The following ATM variants were observed in gnomAD, a reference collection of about 807,000 sequenced individuals.
ATM encodes ATM serine/threonine kinase.
In ATM, 308 loss-of-function variants were observed where a neutral mutation model predicts 387.0. The ratio of observed to expected loss-of-function variants is 0.80; its 90% CI spans 0.73 to 0.87. The LOEUF (loss-of-function observed/expected upper bound fraction) is 0.87, where lower values mean the gene tolerates loss of function less well. Ranked by LOEUF, ATM falls within the 40% of genes least tolerant of loss-of-function variation. The pLI is 0.00. For synonymous variants in ATM, 1,156 were observed against 1,187.3 expected (o/e 0.97, Z 0.54); for missense variants, 3,312 against 3,560.9 (o/e 0.93, Z 1.78).
At chr11:108,248,034 A>C (rs2079942579) in intron 8 of ATM, among the ~76,000 whole-genome samples, 1 of 152,214 alleles carries the variant, frequency 6.6e-6, no homozygotes, top group African/African-American at 2.4e-5. Context: ...CAGTTCGTTT[A>C]AATGGAATCA....
chr11:108,342,759 GATA>G (rs2087747911), intron 56 of ATM, among the ~76,000 whole-genome samples: 1 of 152,134 alleles, frequency 6.6e-6, no homozygotes, highest in Admixed American at 6.6e-5. Context: ...TCTCTGTGAA[GATA>G]ATAAGACTAA....
chr11:108,358,062 A>C (rs1421868957), intron 61 of ATM, among the ~76,000 whole-genome samples: 1 of 147,696 alleles, frequency 6.8e-6, no homozygotes, highest in Non-Finnish European at 1.5e-5. Context: ...ATTTAGAAGA[A>C]TGTATAACTA....
intron 61 of ATM, among the ~76,000 whole-genome samples, chr11:108,360,182 A>G (rs1412408536): frequency 1.3e-5 from 2 of 150,406 alleles, no homozygotes; most frequent in African/African-American, 4.9e-5. Context: ...ACGCAAATAA[A>G]CTAGAAAATC....
At chr11:108,312,537 T>A in intron 40 of ATM, 39 bp downstream of exon 40, 1 of 1,437,566 alleles carries the variant, frequency 7.0e-7, no homozygotes, top group Non-Finnish European at 9.8e-7. Flanking sequence ...ACAGTATTTA[T>A]CTCATACTTT....
chr11:108,243,966 G>A lies in ATM; in HGVS notation c.510G>A (p.Val170=), dbSNP rs375682557. The A allele has an allele frequency of 6.3e-7, 1 of 1,578,726 alleles. No individual in the cohort carries two copies. The highest frequency in any genetic ancestry group is 8.6e-7 in the Non-Finnish European group (1 of 1,160,968). Residue 170 remains valine (V), a synonymous_variant, in exon 6 of 63, where the codon GTG becomes GTA. Coordinates refer to ENST00000675843, the MANE Select transcript of ATM (RefSeq NM_000051.4). ...TTTTTTTTTAAGAATTGTTCTCTGT[G>A]TACTTCAGGCTCTATCTGAAACCTT... The part of the protein sequence containing the change: ...SQQQWLELFS[V]YFRLYLKPSQ...
chr11:108,291,470 T>C (rs1414271980), intron 29 of ATM, among the ~76,000 whole-genome samples: 1 of 152,218 alleles, frequency 6.6e-6, no homozygotes, highest in Non-Finnish European at 1.5e-5. Flanking sequence ...ACTTTCATTA[T>C]CTCAAACTGA....
intron 5 of ATM, among the ~76,000 whole-genome samples, chr11:108,236,784 T>C (rs2079300733): frequency 6.6e-6 from 1 of 152,152 alleles, no homozygotes; most frequent in Non-Finnish European, 1.5e-5. Context: ...TTCCTGTTTA[T>C]AGCTGGGAGG....
rs780690344 is a variant in ATM, at chr11:108,299,665, G to GT, written c.5006-48dup. ...TGAAATTAGAAAATTTCAGTTTTAT[G>GT]TATGATCTCTTACCTATGACTCTAC... On this transcript the variant is annotated intron_variant, in intron 33 of 62. Coordinates refer to ENST00000675843, the MANE Select transcript of ATM (RefSeq NM_000051.4). The GT allele has an allele frequency of 3.7e-5, 58 of 1,574,696 alleles. No homozygotes were observed. Among genetic ancestry groups the GT allele is most frequent in the Non-Finnish European group, 4.9e-5 (56 of 1,146,030 alleles).
At chr11:108,357,382 T>C (rs911532776) in intron 61 of ATM, among the ~76,000 whole-genome samples, 3 of 152,200 alleles carry the variant, frequency 2.0e-5, no homozygotes, top group African/African-American at 4.8e-5. Flanking sequence ...GCGCCCGCCA[T>C]TGCCCAGGCT....
chr11:108,254,650 A>AT (rs2080362238), intron 13 of ATM, among the ~76,000 whole-genome samples: 2 of 152,198 alleles, frequency 1.3e-5, no homozygotes, highest in Admixed American at 1.3e-4. Flanking sequence ...AGAAAGTAAG[A>AT]TTCTAAGAAT....
intron 22 of ATM, among the ~76,000 whole-genome samples, chr11:108,277,146 A>G (rs1299403701): frequency 6.6e-6 from 1 of 152,036 alleles, no homozygotes; most frequent in East Asian, 1.9e-4. Context: ...CGAACTTCCT[A>G]CTGGCTGTGT....
intron 30 of ATM, 31 bp from the exon 31 acceptor site, chr11:108,293,282 T>G: frequency 7.7e-7 from 1 of 1,306,898 alleles, no homozygotes; most frequent in Non-Finnish European, 1.0e-6. Flanking sequence ...ATTTCTCTCC[T>G]TATAATTTTT....
At chr11:108,309,063 A>G in intron 38 of ATM, 10 of 1,498,492 alleles carry the variant, frequency 6.7e-6, no homozygotes, top group Non-Finnish European at 9.0e-6. Flanking sequence ...AAGATCCTGA[A>G]GAATATTCCT....
In ATM at chr11:108,345,705, A is replaced by C. The variant is rs1441452344; in HGVS notation, c.8419-38A>C. 2.1e-6 allele frequency: 3 copies of C among 1,444,050 alleles called. No homozygotes were observed. The highest frequency in any genetic ancestry group is 2.9e-5 in the African/African-American group (2 of 68,950). 89.5% of individuals were successfully genotyped at this position (1,444,050 alleles called of 1,614,324 possible). A position where few individuals can be genotyped will look rare whatever the true frequency, so the allele number is the denominator to read the frequency against. On this transcript the variant is annotated intron_variant, in intron 57 of 62. Coordinates refer to ENST00000675843, the MANE Select transcript of ATM (RefSeq NM_000051.4). ...TGTGTATATTAGTTTAATTGAACAC[A>C]ATATTGAAAAATAATTATATATATT... is the stretch of plus-strand genomic sequence containing the variant.
At chr11:108,309,934 C>G (rs2136004299) in intron 38 of ATM, among the ~76,000 whole-genome samples, 1 of 151,996 alleles carries the variant, frequency 6.6e-6, no homozygotes, top group South Asian at 2.1e-4. Context: ...ATCAGATTCT[C>G]TGATAGGTTT....
At chr11:108,239,852 T>C (rs2135173826) in intron 5 of ATM, among the ~76,000 whole-genome samples, 2 of 152,294 alleles carry the variant, frequency 1.3e-5, no homozygotes, top group South Asian at 2.1e-4. Flanking sequence ...GCTGCATAAT[T>C]TTGCTTCTTC....
At chr11:108,252,062 T>C in intron 11 of ATM, 31 bp downstream of exon 11, 1 of 1,595,768 alleles carries the variant, frequency 6.3e-7, no homozygotes, top group Non-Finnish European at 8.6e-7. Flanking sequence ...TGCTGCTGTT[T>C]TTTTTGTTTG....
At chr11:108,275,514 C>T (rs1055447948) in intron 22 of ATM, among the ~76,000 whole-genome samples, 2 of 152,108 alleles carry the variant, frequency 1.3e-5, no homozygotes, top group African/African-American at 4.8e-5. Context: ...TTTGCCTTTC[C>T]ATATTTAGTG....
intron 1 of ATM, chr11:108,224,511 TG>T (rs1470333110): frequency 6.6e-6 from 1 of 152,204 alleles, no homozygotes; most frequent in Non-Finnish European, 1.5e-5. Context: ...CATCTTTATA[TG>T]GTGACACTCA....
Sources: allele counts gnomAD v4.1 joint callset (sites outside exome capture counted in the v4.1 genomes callset), GRCh38; gene constraint gnomAD v4.1.1; transcripts MANE v1.5; gene names NCBI Gene and HGNC (gene_info 2026-07-23, HGNC 2026-07-21).